WWOX: variants seen among roughly 807,000 people sequenced by gnomAD.
WWOX encodes the protein WW domain-containing oxidoreductase.
WWOX carries 69 observed loss-of-function variants against 46.2 expected under a neutral mutation model. The ratio of observed to expected loss-of-function variants is 1.49; its 90% CI spans 1.23 to 1.82. WWOX has a LOEUF of 1.82. Among genes scored for constraint, WWOX ranks in the 40% most tolerant of loss-of-function variants. The pLI is 0.00. For synonymous variants in WWOX, 359 were observed against 202.6 expected (o/e 1.77, Z -6.56); for missense variants, 919 against 542.6 (o/e 1.69, Z -6.89).
chr16:78,183,825 G>C (rs2035609722), intron 5 of WWOX, among the ~76,000 whole-genome samples: 1 of 152,146 alleles, frequency 6.6e-6, no homozygotes, highest in Non-Finnish European at 1.5e-5. Flanking sequence ...GAGTAGATTT[G>C]TGTCATTTTC....
At chr16:78,417,447 A>T (rs2082824145) in intron 6 of WWOX, among the ~76,000 whole-genome samples, 1 of 152,092 alleles carries the variant, frequency 6.6e-6, no homozygotes, top group African/African-American at 2.4e-5. Flanking sequence ...ATCATAATAT[A>T]TGTCACGTAG....
chr16:79,094,166 C>T (rs576376946), intron 8 of WWOX, among the ~76,000 whole-genome samples: 4 of 152,236 alleles, frequency 2.6e-5, no homozygotes, highest in African/African-American at 9.6e-5. Flanking sequence ...TGTAGGGTTG[C>T]TTGCAAAAGT....
At chr16:78,464,880 G>T (rs1189531751) in intron 8 of WWOX, among the ~76,000 whole-genome samples, 2 of 152,172 alleles carry the variant, frequency 1.3e-5, no homozygotes, top group African/African-American at 4.8e-5. Flanking sequence ...CTTCTGTGAA[G>T]AAATACCCGA....
At chr16:79,024,457 G>A (rs1171677649) in intron 8 of WWOX, among the ~76,000 whole-genome samples, 1 of 151,822 alleles carries the variant, frequency 6.6e-6, no homozygotes, top group South Asian at 2.1e-4. Context: ...GTTTTGAGAC[G>A]GAGTTTTGCT....
chr16:78,447,626 G>A (rs550061192), intron 8 of WWOX, among the ~76,000 whole-genome samples: 3 of 152,154 alleles, frequency 2.0e-5, no homozygotes, highest in Non-Finnish European at 4.4e-5. Flanking sequence ...ATTAGTCGGA[G>A]GCGGAAGGAA....
chr16:78,455,804 AAAG>A (rs2083804280), intron 8 of WWOX, among the ~76,000 whole-genome samples: 1 of 151,934 alleles, frequency 6.6e-6, no homozygotes, highest in Non-Finnish European at 1.5e-5. Flanking sequence ...AAAAAAAAAA[AAAG>A]GCCACCAAGG....
chr16:78,691,362 T>C (rs889989041), intron 8 of WWOX: 1 of 689,648 alleles, frequency 1.5e-6, no homozygotes, highest in African/African-American at 1.8e-5. Context: ...ATGACAAAGG[T>C]GACAGAAAGG....
intron 8 of WWOX, among the ~76,000 whole-genome samples, chr16:78,888,333 T>C (rs1008312075): frequency 2.0e-5 from 3 of 152,186 alleles, no homozygotes; most frequent in Middle Eastern, 3.2e-3. Flanking sequence ...TGTTGTTTCC[T>C]TCTCAGAACT....
chr16:78,751,821 T>C (rs1158709297), intron 8 of WWOX, among the ~76,000 whole-genome samples: 1 of 151,170 alleles, frequency 6.6e-6, no homozygotes, highest in Non-Finnish European at 1.5e-5. Context: ...GAAAGGATTT[T>C]CTAGAAAAAG....
chr16:78,367,788 C>T (rs763960242), intron 5 of WWOX, among the ~76,000 whole-genome samples: 2 of 151,630 alleles, frequency 1.3e-5, no homozygotes, highest in African/African-American at 2.4e-5. Flanking sequence ...GATGGAGTCT[C>T]GCTCTGTCAC....
chr16:78,559,886 A>G (rs763936202), intron 8 of WWOX, among the ~76,000 whole-genome samples: 5 of 152,108 alleles, frequency 3.3e-5, no homozygotes, highest in Non-Finnish European at 7.4e-5. Flanking sequence ...CTTTACCTCA[A>G]TTTATGACTT....
intron 8 of WWOX, among the ~76,000 whole-genome samples, chr16:78,723,484 TTC>T (rs1222830417): frequency 2.0e-5 from 3 of 152,172 alleles, no homozygotes; most frequent in African/African-American, 7.2e-5. Flanking sequence ...ATCTGCATGT[TTC>T]TCTCTTTCCA....
At chr16:78,382,982 G>A (rs2081986884) in intron 5 of WWOX, among the ~76,000 whole-genome samples, 2 of 151,672 alleles carry the variant, frequency 1.3e-5, no homozygotes, top group South Asian at 4.2e-4. Flanking sequence ...TGGCGAAGAG[G>A]AAGCAGGCAA....
chr16:78,673,214 C>A (rs1026668687), intron 8 of WWOX, among the ~76,000 whole-genome samples: 2 of 152,148 alleles, frequency 1.3e-5, no homozygotes, highest in Admixed American at 1.3e-4. Flanking sequence ...TACAATAAAA[C>A]AGGAATTTTC....
chr16:78,410,292 T>C (rs561366441), intron 6 of WWOX, among the ~76,000 whole-genome samples: 3 of 152,324 alleles, frequency 2.0e-5, no homozygotes, highest in East Asian at 3.9e-4. Flanking sequence ...TACTTCTTTA[T>C]TGCAGTGCAA....
intron 8 of WWOX, among the ~76,000 whole-genome samples, chr16:78,621,984 C>G (rs892702984): frequency 6.6e-6 from 1 of 152,044 alleles, no homozygotes; most frequent in Non-Finnish European, 1.5e-5. Context: ...TTTTAGTGCT[C>G]CTGGATGTCC....
intron 5 of WWOX, among the ~76,000 whole-genome samples, chr16:78,357,009 A>G (rs1156797332): frequency 6.6e-6 from 1 of 152,160 alleles, no homozygotes; most frequent in Non-Finnish European, 1.5e-5. Context: ...TTGCCTCAGT[A>G]CTACTGGCAT....
intron 5 of WWOX, among the ~76,000 whole-genome samples, chr16:78,259,453 A>ATCTATCTATCTATGTATCTATCTAT (rs1555510204): frequency 3.6e-4 from 54 of 151,854 alleles, no homozygotes; most frequent in African/African-American, 6.3e-4. Context: ...CAGTCTGCCG[A>ATCTATCTATCTATGTATCTATCTAT]CTAGCTGGGA....
intron 8 of WWOX, among the ~76,000 whole-genome samples, chr16:78,583,477 C>G (rs12599381): frequency 0.028 from 4,203 of 152,260 alleles, 87 homozygotes; most frequent in East Asian, 0.053. Context: ...TTCTTTTTCT[C>G]TTTTCTCTGA....
Sources: gnomAD v4.1 joint callset for allele counts (sites outside exome capture counted in the v4.1 genomes callset) on GRCh38, gnomAD v4.1.1 for gene constraint, MANE v1.5 for transcripts, NCBI Gene and HGNC (gene_info 2026-07-23, HGNC 2026-07-21) for gene names.